PITPNC1: variants seen among roughly 807,000 people sequenced by gnomAD.
PITPNC1 encodes cytoplasmic phosphatidylinositol transfer protein 1.
PITPNC1 carries 18 observed loss-of-function variants against 44.7 expected under a neutral mutation model. That is an observed-to-expected ratio of 0.40 (90% CI 0.28 to 0.60). PITPNC1 has a LOEUF of 0.60. PITPNC1 is among the 20% of genes least tolerant of loss of function. The pLI is 0.39. For synonymous variants in PITPNC1, 141 were observed against 149.6 expected, an observed-to-expected ratio of 0.94 and a Z score of 0.42; for missense variants, 290 against 418.4, an observed-to-expected ratio of 0.69 and a Z score of 2.68.
intron 6 of PITPNC1, among the ~76,000 whole-genome samples, chr17:67,633,646 A>T (rs1253432160): frequency 6.6e-6 from 1 of 152,202 alleles, no homozygotes; most frequent in Admixed American, 6.5e-5. Flanking sequence ...GTAACTGTGG[A>T]CCCGCCGAAG....
At chr17:67,629,111 G>GC (rs1049541487) in intron 5 of PITPNC1, among the ~76,000 whole-genome samples, 1 of 152,038 alleles carries the variant, frequency 6.6e-6, no homozygotes, top group African/African-American at 2.4e-5. Flanking sequence ...AACCTGTCAT[G>GC]CCCCCCCTTC....
At chr17:67,384,333 G>A (rs2038008536) in intron 1 of PITPNC1, among the ~76,000 whole-genome samples, 1 of 152,072 alleles carries the variant, frequency 6.6e-6, no homozygotes, top group Non-Finnish European at 1.5e-5. Flanking sequence ...GTTTTCTTGC[G>A]CACATTTCTG....
chr17:67,391,933 A>G (rs1453655601), intron 1 of PITPNC1, among the ~76,000 whole-genome samples: 2 of 152,194 alleles, frequency 1.3e-5, no homozygotes, highest in South Asian at 4.1e-4. Context: ...GTATTAAACC[A>G]AGTGACATTC....
rs1280607456 is a variant in PITPNC1 at position 67,577,610 on chromosome 17, T to A, written c.295-576T>A. Among the ~76,000 whole-genome samples, 8 of 151,034 alleles carry A rather than the reference T, an allele frequency of 5.3e-5. No individual in the cohort carries two copies. In the East Asian group the frequency reaches 1.5e-3, roughly 29 times the overall value. ...TAAAAATTAAAAATAAAATTTAAAA[T>A]TTAAAATAAATTTAAAAATTTTTTT... On this transcript the variant is annotated intron_variant, in intron 4 of 8. Transcript: ENST00000581322.
intron 1 of PITPNC1, among the ~76,000 whole-genome samples, chr17:67,428,746 T>C (rs913855089): frequency 1.3e-5 from 2 of 152,078 alleles, no homozygotes; most frequent in African/African-American, 4.8e-5. Flanking sequence ...CTGCAGTAAG[T>C]ACGTTATACA....
chr17:67,425,625 G>A (rs757985039), intron 1 of PITPNC1, among the ~76,000 whole-genome samples: 1 of 151,202 alleles, frequency 6.6e-6, no homozygotes. Flanking sequence ...GGGCTCAAGC[G>A]ATCTTCCTGC....
intron 6 of PITPNC1, among the ~76,000 whole-genome samples, chr17:67,637,211 G>C (rs1423643472): frequency 6.6e-6 from 1 of 152,196 alleles, no homozygotes; most frequent in East Asian, 1.9e-4. Flanking sequence ...TCTTCCAGCA[G>C]TGACAATTTC....
At chr17:67,573,865 A>T (rs992781275) in intron 4 of PITPNC1, among the ~76,000 whole-genome samples, 3 of 152,096 alleles carry the variant, frequency 2.0e-5, no homozygotes, top group African/African-American at 7.2e-5. Context: ...CCGGCTACTG[A>T]CTACTCTTTT....
chr17:67,545,692 G>A (rs2040670774), intron 2 of PITPNC1, among the ~76,000 whole-genome samples: 1 of 152,054 alleles, frequency 6.6e-6, no homozygotes, highest in South Asian at 2.1e-4. Context: ...TCCTTATCTA[G>A]TAATAGCTGG....
At chr17:67,654,415 A>G (rs982250179) in intron 6 of PITPNC1, among the ~76,000 whole-genome samples, 1 of 152,226 alleles carries the variant, frequency 6.6e-6, no homozygotes, top group Non-Finnish European at 1.5e-5. Context: ...ATAAACTCAT[A>G]GTAATCCTAC....
intron 1 of PITPNC1, among the ~76,000 whole-genome samples, chr17:67,434,821 AT>A (rs1397801823): frequency 1.3e-5 from 2 of 151,046 alleles, no homozygotes; most frequent in African/African-American, 4.9e-5. Context: ...AAATAAAAAA[AT>A]AAAAGGCCAG....
chr17:67,496,558 T>C (rs1363350438), intron 1 of PITPNC1, among the ~76,000 whole-genome samples: 1 of 152,094 alleles, frequency 6.6e-6, no homozygotes, highest in Non-Finnish European at 1.5e-5. Context: ...TTATCACAGT[T>C]CCACTCTTGA....
At position 67,576,915 on chromosome 17, in the gene PITPNC1, A is replaced by G. The variant is rs902769407; in HGVS notation, c.295-1271A>G. On this transcript the variant is annotated intron_variant, in intron 4 of 8. Coordinates refer to ENST00000581322, the MANE Select transcript of PITPNC1 (RefSeq NM_012417.4). The stretch of plus-strand genomic sequence containing the variant: ...AACCCTCACAGTGTTGCTCTTAGGT[A>G]ATAATTATTACTCCTGTTTTAACTC... Among the ~76,000 whole-genome samples the G allele has an allele frequency of 4.6e-5, 7 of 152,290 alleles. No individual in the cohort carries two copies. In the East Asian group the frequency reaches 1.3e-3, roughly 29 times the overall value.
intron 5 of PITPNC1, among the ~76,000 whole-genome samples, chr17:67,610,250 G>A (rs945971015): frequency 6.6e-6 from 1 of 152,152 alleles, no homozygotes; most frequent in Non-Finnish European, 1.5e-5. Flanking sequence ...CCCAGGTGTT[G>A]TGTGCGCATG....
intron 1 of PITPNC1, among the ~76,000 whole-genome samples, chr17:67,456,228 C>T (rs2039252690): frequency 2.0e-5 from 3 of 152,106 alleles, no homozygotes; most frequent in Admixed American, 1.3e-4. Flanking sequence ...GTCTTCTTCC[C>T]CTTTTTGGTC....
chr17:67,486,786 G>A (rs2039783867), intron 1 of PITPNC1, among the ~76,000 whole-genome samples: 1 of 152,146 alleles, frequency 6.6e-6, no homozygotes, highest in Non-Finnish European at 1.5e-5. Context: ...TTGCCTTTCA[G>A]GGTGTCTCCT....
rs781486781 is a variant in PITPNC1, at chr17:67,676,954, C to T, written c.682+1412C>T. 3.3e-5 allele frequency among the ~76,000 whole-genome samples: 5 copies of T among 152,010 alleles called. No individual in the cohort carries two copies. The highest frequency in any genetic ancestry group is 9.7e-5 in the African/African-American group (4 of 41,366). ...CTCTTATCACACACCCACAGAATGC[C>T]GCTCTCATACCGCAAAAGCACTGGC... On this transcript the variant is annotated intron_variant, in intron 8 of 8. Coordinates refer to ENST00000581322, the MANE Select transcript of PITPNC1 (RefSeq NM_012417.4). The surrounding 1 kb of genome is among the most constrained non-coding windows in gnomAD (Gnocchi z 4.0).
At chr17:67,419,870 C>T (rs2038645948) in intron 1 of PITPNC1, among the ~76,000 whole-genome samples, 1 of 151,862 alleles carries the variant, frequency 6.6e-6, no homozygotes, top group South Asian at 2.1e-4. Context: ...TGTGCCGCTG[C>T]ACTCCAGCCT....
intron 1 of PITPNC1, among the ~76,000 whole-genome samples, chr17:67,408,240 C>T (rs371594651): frequency 1.3e-5 from 2 of 152,210 alleles, no homozygotes; most frequent in East Asian, 3.9e-4. Context: ...AAGTGTGAGC[C>T]ACTGTGCCTG....
Sources: gnomAD v4.1 joint callset for allele counts (sites outside exome capture counted in the v4.1 genomes callset) on GRCh38, gnomAD v4.1.1 for gene constraint, Gnocchi (gnomAD v3.1) non-coding constraint, MANE v1.5 for transcripts, NCBI Gene and HGNC (gene_info 2026-07-23, HGNC 2026-07-21) for gene names.